PTK2B: variants seen among roughly 807,000 people sequenced by gnomAD.
PTK2B encodes protein-tyrosine kinase 2-beta.
Under a neutral mutation model 142.9 loss-of-function variants are expected in PTK2B, and 71 were observed. The ratio of observed to expected loss-of-function variants is 0.50; its 90% CI spans 0.41 to 0.61. The LOEUF (loss-of-function observed/expected upper bound fraction) is 0.61. Among genes scored for constraint, PTK2B ranks in the 20% least tolerant of loss-of-function variants. The probability of loss-of-function intolerance (pLI) is 0.00; values close to 1 mark genes in which losing one functional copy is unlikely to be tolerated. For synonymous variants in PTK2B, 519 were observed against 503.4 expected (o/e 1.03, Z -0.42); for missense variants, 1,105 against 1,320.4 (o/e 0.84, Z 2.53).
intron 30 of PTK2B, among the ~76,000 whole-genome samples, chr8:27,457,523 A>G (rs1192220755): frequency 1.3e-5 from 2 of 152,252 alleles, no homozygotes; most frequent in East Asian, 1.9e-4. Context: ...GATTTCTCTT[A>G]TGGATCTGGC....
rs774793270 is a variant in PTK2B at position 27,432,339 on chromosome 8, T to A, written c.965T>A (p.Leu322Gln). Residue 322 changes from leucine (L) to glutamine (Q), a missense_variant, in exon 10 of 31, where the codon CTG becomes CAG. Leu to Gln is a moderately radical substitution (Grantham distance 113, BLOSUM62 -2). Coordinates refer to ENST00000346049, the MANE Select transcript of PTK2B (RefSeq NM_173176.3). ...GAGGAGGGCCAGGCAGTACTTCAGCTGGGCATTGAAGGTGCCCCCCAGGTG... is the reference window on the plus strand; with the variant it reads ...GAGGAGGGCCAGGCAGTACTTCAGCAGGGCATTGAAGGTGCCCCCCAGGTG... Reference protein sequence around the residue: ...PLEEGQAVLQLGIEGAPQALS... With the variant: ...PLEEGQAVLQQGIEGAPQALS... 3 of 1,613,912 alleles carry A rather than the reference T, an allele frequency of 1.9e-6. No individual in the cohort carries two copies. The highest frequency in any genetic ancestry group is 2.5e-6 in the Non-Finnish European group (3 of 1,180,002).
intron 12 of PTK2B, 129 bp downstream of exon 12, chr8:27,434,261 G>A (rs1810629420): frequency 7.9e-7 from 1 of 1,266,774 alleles, no homozygotes; most frequent in Non-Finnish European, 1.1e-6. Context: ...CCTGAAAAAA[G>A]ATGATCTTTC....
At chr8:27,451,533 G>A (rs267601880) in intron 27 of PTK2B, 24 bp downstream of exon 27, 1 of 1,614,020 alleles carries the variant, frequency 6.2e-7, no homozygotes, top group Non-Finnish European at 8.5e-7. Context: ...CCCTTCTTCG[G>A]GGGGTTTCCT....
At chr8:27,397,469 TG>T in intron 1 of PTK2B, 78 bp from the exon 2 acceptor site, 1 of 1,088,286 alleles carries the variant, frequency 9.2e-7, no homozygotes, top group Admixed American at 1.9e-5. Context: ...TGGAGCTCGG[TG>T]GGTGCTGTCC....
chr8:27,393,793 C>G (rs1022972579), intron 1 of PTK2B, among the ~76,000 whole-genome samples: 2 of 152,090 alleles, frequency 1.3e-5, no homozygotes, highest in Non-Finnish European at 2.9e-5. Flanking sequence ...CATCCCTCAC[C>G]CCCCAGAGTG....
chr8:27,330,671 A>G (rs571570599), intron 1 of PTK2B, among the ~76,000 whole-genome samples: 5 of 152,270 alleles, frequency 3.3e-5, no homozygotes, highest in African/African-American at 9.6e-5. Flanking sequence ...TCACTCTGCT[A>G]TTTCTCAAGG....
intron 1 of PTK2B, among the ~76,000 whole-genome samples, chr8:27,339,432 C>T (rs1804261319): frequency 6.6e-6 from 1 of 152,178 alleles, no homozygotes; most frequent in African/African-American, 2.4e-5. Context: ...GACACAGCCC[C>T]CTCCCCATCC....
chr8:27,312,976 T>C (rs1803014339), intron 2 of PTK2B, among the ~76,000 whole-genome samples: 1 of 152,178 alleles, frequency 6.6e-6, no homozygotes, highest in Non-Finnish European at 1.5e-5. Context: ...AAGAAAGAAT[T>C]AGACTGAGGG....
intron 1 of PTK2B, among the ~76,000 whole-genome samples, chr8:27,327,616 T>C (rs1177500638): frequency 6.6e-6 from 1 of 152,220 alleles, no homozygotes; most frequent in Non-Finnish European, 1.5e-5. Flanking sequence ...GTCTCAGGTC[T>C]ATCTTGTAAC....
At position 27,439,065 on chromosome 8, in the gene PTK2B, C is replaced by G; in HGVS notation, c.1678C>G (p.Pro560Ala). 1 of 1,614,106 alleles carries G rather than the reference C, an allele frequency of 6.2e-7. No individual in the cohort carries two copies. The highest frequency in any genetic ancestry group is 8.5e-7 in the Non-Finnish European group (1 of 1,179,982). Residue 560 changes from proline (P) to alanine (A), a missense_variant, in exon 19 of 31, where the codon CCT becomes GCT. Physicochemically the swap from Pro to Ala is conservative, Grantham distance 27 (BLOSUM62 -1). Transcript: ENST00000346049. ...TGTCCGGAACATCCTGGTGGCCTCC[C>G]CTGAGTGTGTGAAGCTGGGGGACTT... ...IAVRNILVAS[P>A]ECVKLGDFGL...
intron 1 of PTK2B, among the ~76,000 whole-genome samples, chr8:27,375,595 A>T (rs1806617739): frequency 6.6e-6 from 1 of 152,152 alleles, no homozygotes; most frequent in South Asian, 2.1e-4. Context: ...GTTAAATCCT[A>T]CAGTGCTCTC....
chr8:27,312,450 A>T (rs186071765), intron 2 of PTK2B: 2 of 152,302 alleles, frequency 1.3e-5, no homozygotes, highest in Admixed American at 1.3e-4. Flanking sequence ...TTCATCACAT[A>T]GTCTTGCAAG....
At chr8:27,330,631 C>T (rs1055940806) in intron 1 of PTK2B, among the ~76,000 whole-genome samples, 19 of 152,086 alleles carry the variant, frequency 1.2e-4, no homozygotes, top group African/African-American at 3.1e-4. Context: ...TGCAAGGGGG[C>T]GGCAGAGGGG....
intron 1 of PTK2B, among the ~76,000 whole-genome samples, chr8:27,328,532 T>C (rs571966791): frequency 6.6e-6 from 1 of 152,232 alleles, no homozygotes; most frequent in Non-Finnish European, 1.5e-5. Context: ...AATCTCCCCA[T>C]CCCCCTGTGA....
intron 4 of PTK2B, among the ~76,000 whole-genome samples, chr8:27,421,408 C>T (rs1809744103): frequency 6.6e-6 from 1 of 151,736 alleles, no homozygotes; most frequent in African/African-American, 2.4e-5. Flanking sequence ...GTTGGTGCAC[C>T]CATCACCCAA....
At chr8:27,337,623 G>A (rs144162250) in intron 1 of PTK2B, among the ~76,000 whole-genome samples, 1 of 152,284 alleles carries the variant, frequency 6.6e-6, no homozygotes, top group East Asian at 1.9e-4. Flanking sequence ...GTGGCCTTTC[G>A]CGACGGCTGC....
intron 1 of PTK2B, among the ~76,000 whole-genome samples, chr8:27,381,092 G>A (rs1395599550): frequency 6.6e-6 from 1 of 151,910 alleles, no homozygotes; most frequent in Non-Finnish European, 1.5e-5. Context: ...ATATTTATGG[G>A]GTACAGAATG....
chr8:27,339,886 G>A (rs1015763210), intron 1 of PTK2B, among the ~76,000 whole-genome samples: 2 of 152,216 alleles, frequency 1.3e-5, no homozygotes, highest in African/African-American at 4.8e-5. Context: ...CCATTCCTGG[G>A]CAGGATTCCA....
chr8:27,370,247 C>T (rs190829973), intron 1 of PTK2B, among the ~76,000 whole-genome samples: 3 of 152,320 alleles, frequency 2.0e-5, no homozygotes, highest in Admixed American at 2.0e-4. Context: ...TTGGACAAAG[C>T]AGATGTGCAC....
Sources: allele counts gnomAD v4.1 joint callset (sites outside exome capture counted in the v4.1 genomes callset), GRCh38; gene constraint gnomAD v4.1.1; transcripts MANE v1.5; gene names NCBI Gene and HGNC (gene_info 2026-07-23, HGNC 2026-07-21).